Variants in RGS19 observed in about 807,000 individuals in gnomAD.
RGS19 encodes G alpha interacting protein.
Under a neutral mutation model 22.0 loss-of-function variants are expected in RGS19, and 9 were observed. That is an observed-to-expected ratio of 0.41 (90% CI 0.25 to 0.71). The LOEUF (loss-of-function observed/expected upper bound fraction) is 0.71. RGS19 is among the 30% of genes least tolerant of loss of function. RGS19 has a pLI of 0.32. For synonymous variants in RGS19, 130 were observed against 127.3 expected (o/e 1.02, Z -0.14); for missense variants, 256 against 307.1 (o/e 0.83, Z 1.24).
At position 64,073,894 on chromosome 20, in the gene RGS19, G is replaced by A. The variant is rs1450766582; in HGVS notation, c.613C>T (p.Leu205=). Residue 205 remains leucine (L), a synonymous_variant, in exon 6 of 6, where the codon CTG becomes TTG. Coordinates refer to ENST00000395042, the MANE Select transcript of RGS19 (RefSeq NM_005873.3). ...GACTGTGATGGCCCCTGCAGCAGCA[G>A]GGCACGGTAGGTGGGAGAGCTGAGG... ...RFLSSPTYRA[L]LLQGPSQSSS... 1 of 1,613,462 alleles carries A rather than the reference G, an allele frequency of 6.2e-7. No homozygotes were observed. Among genetic ancestry groups the A allele is most frequent in the African/African-American group, 1.3e-5 (1 of 75,066 alleles).
chr20:64,073,909 G>C lies in RGS19; in HGVS notation c.598C>G (p.Pro200Ala), dbSNP rs775831115. The change falls in exon 6 of 6, where the codon CCC (proline) becomes GCC (alanine). Residue 200 changes from proline (P) to alanine (A), a missense_variant. By Grantham distance (27) the Pro-to-Ala change is conservative (BLOSUM62 -1). Transcript: ENST00000395042. ...TGCAGCAGCAGGGCACGGTAGGTGGGAGAGCTGAGGAAGCGGGGGTAGGAG... is the reference window on the plus strand; with the variant it reads ...TGCAGCAGCAGGGCACGGTAGGTGGCAGAGCTGAGGAAGCGGGGGTAGGAG... ...RDSYPRFLSS[P>A]TYRALLLQGP... The C allele has an allele frequency of 6.2e-7, 1 of 1,613,566 alleles. No homozygotes were observed. The highest frequency in any genetic ancestry group is 8.5e-7 in the Non-Finnish European group (1 of 1,179,848).
Position 64,074,308 on chromosome 20 carries a change from C to T in RGS19, c.298G>A (p.Gly100Arg). Residue 100 changes from glycine to arginine, a missense_variant, in exon 5 of 6, where the codon GGA becomes AGA. Gly to Arg is a moderately radical substitution (Grantham distance 125, BLOSUM62 -2). Transcript: ENST00000395042. Reference protein sequence around the residue: ...SFDKLMHSPAGRSVFRAFLRT... With the variant: ...SFDKLMHSPARRSVFRAFLRT... ...AGGAACGCCCGGAACACGCTGCGTC[C>T]CGCTGGGCTGTGCATCAGCTTGTCA... The T allele has an allele frequency of 1.2e-6, 2 of 1,612,920 alleles. No homozygotes were observed. Among genetic ancestry groups the T allele is most frequent in the Non-Finnish European group, 1.7e-6 (2 of 1,180,008 alleles).
rs780353673 is a variant in RGS19, at chr20:64,076,935, C to T, written c.-49G>A. 1 of 1,473,400 alleles carries T rather than the reference C, an allele frequency of 6.8e-7. No individual in the cohort carries two copies. The highest frequency in any genetic ancestry group is 9.0e-7 in the Non-Finnish European group (1 of 1,112,916). 91.3% of individuals were successfully genotyped at this position (1,473,400 alleles called of 1,614,324 possible). On this transcript the variant is annotated 5_prime_UTR_variant, in exon 2 of 6. Transcript: ENST00000395042. Reference sequence around the variant, plus strand: ...GGCTCCGTGGTACCAGCTCTCAGACCCTCACCACAGCCTGGGGGTCTGGGG... The same window carrying T: ...GGCTCCGTGGTACCAGCTCTCAGACTCTCACCACAGCCTGGGGGTCTGGGG...
chr20:64,076,690 C>A (rs201968895), intron 2 of RGS19, 44 bp from the exon 3 acceptor site: 133 of 1,556,144 alleles, frequency 8.5e-5, no homozygotes, highest in Non-Finnish European at 1.1e-4. Flanking sequence ...TCAGAACCCA[C>A]CAGACTCTCC....
At chr20:64,074,068 A>AG (rs780677810) in intron 5 of RGS19, 24 bp from the exon 6 acceptor site, 15 of 1,605,212 alleles carry the variant, frequency 9.3e-6, no homozygotes, top group Non-Finnish European at 1.2e-5. Context: ...CACTGAGGTC[A>AG]GGGGGTGCGG....
chr20:64,076,258 C>T (rs543698894), intron 3 of RGS19, among the ~76,000 whole-genome samples: 8 of 152,338 alleles, frequency 5.3e-5, no homozygotes, highest in East Asian at 1.9e-4. Context: ...AAGCACATGC[C>T]GCGTGAACGG....
chr20:64,079,504 G>C lies in RGS19; in HGVS notation c.-279C>G, dbSNP rs2059940767. ...CCTCCCCTACAGCTCGAAGGGCTGA[G>C]TGGCTGCCAGATCCAGCGGGGTGGG... On this transcript the variant is annotated 5_prime_UTR_variant, in exon 1 of 6. Transcript: ENST00000395042. The surrounding 1 kb of genome is among the most constrained non-coding windows in gnomAD (Gnocchi z 5.1). 1 of 151,210 alleles carries C rather than the reference G, an allele frequency of 6.6e-6. No homozygotes were observed. The highest frequency in any genetic ancestry group is 2.1e-4 in the South Asian group (1 of 4,800). 9.4% of individuals were successfully genotyped at this position (151,210 alleles called of 1,614,324 possible).
chr20:64,074,557 AAGC>A lies in RGS19; in HGVS notation c.153-19_153-17del, dbSNP rs748407009. The A allele has an allele frequency of 6.5e-7, 1 of 1,548,326 alleles. No homozygotes were observed. Among genetic ancestry groups the A allele is most frequent in the Non-Finnish European group, 8.7e-7 (1 of 1,146,680 alleles). ...CTCTTGGTTCCTAGTGGCAGAGAGG[AAGC>A]AGCGCTGCCGTGGGCACACACGCCT... is the stretch of plus-strand genomic sequence containing the variant. On this transcript the variant is annotated splice_polypyrimidine_tract_variant and intron_variant, in intron 3 of 5. Transcript: ENST00000395042.
chr20:64,078,283 C>CAATACCCCCGAGGCCTGGGCATGCAGAGG (rs1266716602), intron 1 of RGS19, among the ~76,000 whole-genome samples: 72 of 151,902 alleles, frequency 4.7e-4, no homozygotes, highest in Non-Finnish European at 7.1e-4. Flanking sequence ...GGCCCAGTTT[C>CAATACCCCCGAGGCCTGGGCATGCAGAGG]CTCTGAGACT....
At position 64,076,514 on chromosome 20, in the gene RGS19, GC is replaced by G. The variant is rs2059906610; in HGVS notation, c.152+10del. 2.5e-6 allele frequency: 4 copies of G among 1,612,562 alleles called. No homozygotes were observed. In the Admixed American group the frequency reaches 6.7e-5, roughly 27 times the overall value. On this transcript the variant is annotated intron_variant, in intron 3 of 5. Transcript: ENST00000395042. ...CCCCCTCGCCAGCTGGGCACCCCAG[GC>G]CCTACTCACCAGGAGCAGCTACAGC...
rs1272424472 is a variant in RGS19 at position 64,075,944 on chromosome 20, C to T, written c.152+581G>A. Among the ~76,000 whole-genome samples, 1 of 151,744 alleles carries T rather than the reference C, an allele frequency of 6.6e-6. No individual in the cohort carries two copies. Among genetic ancestry groups the T allele is most frequent in the African/African-American group, 2.4e-5 (1 of 41,280 alleles). ...TTGCCCAGGCTGGAGTGCAATGACG[C>T]GATCTCGGCTCAACGCAACCTCCGC... On this transcript the variant is annotated intron_variant, in intron 3 of 5. Coordinates refer to ENST00000395042, the MANE Select transcript of RGS19 (RefSeq NM_005873.3). The surrounding 1 kb of genome is among the most constrained non-coding windows in gnomAD (Gnocchi z 4.6).
At chr20:64,077,950 C>T (rs1284394456) in intron 1 of RGS19, among the ~76,000 whole-genome samples, 2 of 152,186 alleles carry the variant, frequency 1.3e-5, no homozygotes, top group Non-Finnish European at 2.9e-5. Flanking sequence ...AGGGAGGGGC[C>T]TCCGTGCACA....
chr20:64,074,252 G>C lies in RGS19; in HGVS notation c.354C>G (p.Leu118=). 4.3e-6 allele frequency: 7 copies of C among 1,613,892 alleles called. No individual in the cohort carries two copies. Among genetic ancestry groups the C allele is most frequent in the Non-Finnish European group, 5.9e-6 (7 of 1,180,032 alleles). Residue 118 remains leucine, a synonymous_variant, in exon 5 of 6, where the codon CTC becomes CTG. Transcript: ENST00000395042. ...LRTEYSEENM[L]FWLACEELKA... ...TCAGCTCCTCGCAGGCCAACCAGAAGAGCATGTTCTCCTCGCTGTACTCTG... is the reference window on the plus strand; with the variant it reads ...TCAGCTCCTCGCAGGCCAACCAGAACAGCATGTTCTCCTCGCTGTACTCTG...
In RGS19 at chr20:64,074,128, C is replaced by G. The variant is rs1569260752; in HGVS notation, c.462+16G>C. The G allele has an allele frequency of 1.2e-6, 2 of 1,609,792 alleles. No homozygotes were observed. Among genetic ancestry groups the G allele is most frequent in the Non-Finnish European group, 1.7e-6 (2 of 1,176,712 alleles). On this transcript the variant is annotated intron_variant, in intron 5 of 5. Transcript: ENST00000395042. ...TGGAGCAGGCGGCCCCCGGCCTGTTCTGGTGTCTGGCGCACCTCCTTGGGG... is the reference window on the plus strand; with the variant it reads ...TGGAGCAGGCGGCCCCCGGCCTGTTGTGGTGTCTGGCGCACCTCCTTGGGG...
chr20:64,074,456 G>A lies in RGS19; in HGVS notation c.227+11C>T. On this transcript the variant is annotated intron_variant, in intron 4 of 5. Coordinates refer to ENST00000395042, the MANE Select transcript of RGS19 (RefSeq NM_005873.3). ...CCCCCCAGCACGCACACACCAGCCG[G>A]CTGGACTCACCATACTTCACAGCTG... The A allele has an allele frequency of 6.3e-7, 1 of 1,583,666 alleles. No individual in the cohort carries two copies. The highest frequency in any genetic ancestry group is 8.6e-7 in the Non-Finnish European group (1 of 1,165,312).
rs755602227 is a variant in RGS19 at position 64,074,525 on chromosome 20, G to A, written c.169C>T (p.Arg57Cys). 4 of 1,563,718 alleles carry A rather than the reference G, an allele frequency of 2.6e-6. No homozygotes were observed. Among genetic ancestry groups the A allele is most frequent in the Admixed American group, 1.9e-5 (1 of 52,828 alleles). ...CTCTCCCGGGAGGCCTGCCACGCGC[G>A]CCGCCGCTCTTGGTTCCTAGTGGCA... ...CSCSWNQERR[R>C]AWQASRESKL... is the part of the protein sequence containing the mutation. Residue 57 changes from arginine (R) to cysteine (C), a missense_variant, in exon 4 of 6, where the codon CGC becomes TGC. Coordinates refer to ENST00000395042, the MANE Select transcript of RGS19 (RefSeq NM_005873.3).
chr20:64,078,874 G>A (rs897232939), intron 1 of RGS19, among the ~76,000 whole-genome samples: 18 of 152,202 alleles, frequency 1.2e-4, no homozygotes, highest in Admixed American at 7.2e-4. Context: ...TAGGCGGCAC[G>A]TCTGCTCTCT....
Position 64,076,508 on chromosome 20 carries a change from C to T in RGS19, c.152+17G>A, listed in dbSNP as rs778503270. ...CCTCGACCCCCTCGCCAGCTGGGCACCCCAGGCCCTACTCACCAGGAGCAG... is the reference window on the plus strand; with the variant it reads ...CCTCGACCCCCTCGCCAGCTGGGCATCCCAGGCCCTACTCACCAGGAGCAG... On this transcript the variant is annotated intron_variant, in intron 3 of 5. Coordinates refer to ENST00000395042, the MANE Select transcript of RGS19 (RefSeq NM_005873.3). 1.9e-6 allele frequency: 3 copies of T among 1,612,474 alleles called. No individual in the cohort carries two copies. The South Asian group carries it at 3.3e-5, about 18-fold the overall frequency.
chr20:64,076,820 C>T, intron 2 of RGS19, 37 bp downstream of exon 2: 2 of 1,576,920 alleles, frequency 1.3e-6, no homozygotes, highest in Non-Finnish European at 1.7e-6. Context: ...ACCCCATCTC[C>T]CCCAGGGGAG....
Sources: gnomAD v4.1 joint callset for allele counts (sites outside exome capture counted in the v4.1 genomes callset) on GRCh38, gnomAD v4.1.1 for gene constraint, Gnocchi (gnomAD v3.1) non-coding constraint, MANE v1.5 for transcripts, NCBI Gene and HGNC (gene_info 2026-07-23, HGNC 2026-07-21) for gene names.